BIRC6: variants seen among roughly 807,000 people sequenced by gnomAD.
BIRC6 encodes baculoviral IAP repeat containing 6.
In BIRC6, 98 loss-of-function variants were observed where a neutral mutation model predicts 503.3. The ratio of observed to expected loss-of-function variants is 0.19; its 90% CI spans 0.17 to 0.23. The LOEUF (loss-of-function observed/expected upper bound fraction) is 0.23. Ranked by LOEUF, BIRC6 falls within the 10% of genes least tolerant of loss-of-function variation. BIRC6 has a pLI of 1.00. For synonymous variants in BIRC6, 2,240 were observed against 2,078.7 expected, an observed-to-expected ratio of 1.08 and a Z score of -2.11; for missense variants, 5,360 against 5,806.0, an observed-to-expected ratio of 0.92 and a Z score of 2.50.
rs2039364438 is a variant in BIRC6, at chr2:32,392,572, C to T, written c.951+422C>T. Among the ~76,000 whole-genome samples, 6 of 152,252 alleles carry T rather than the reference C, an allele frequency of 3.9e-5. No individual in the cohort carries two copies. In the South Asian group the frequency reaches 1.2e-3, roughly 32 times the overall value. ...GGAAAAAAATTGTTTAAGCAATTAA[C>T]AACTGAGTATTTTCTTTAAGATTAG... is the stretch of plus-strand genomic sequence containing the variant. On this transcript the variant is annotated intron_variant, in intron 5 of 73. Transcript: ENST00000421745.
chr2:32,443,716 T>C, intron 20 of BIRC6, 128 bp downstream of exon 20: 1 of 728,334 alleles, frequency 1.4e-6, no homozygotes, highest in South Asian at 2.1e-5. Flanking sequence ...TCTGTATTTT[T>C]TGAAGGGATC....
intron 53 of BIRC6, among the ~76,000 whole-genome samples, chr2:32,511,922 T>A (rs910397334): frequency 6.6e-6 from 1 of 152,180 alleles, no homozygotes; most frequent in African/African-American, 2.4e-5. Flanking sequence ...TTAGTAGTGG[T>A]TAAAATATAT....
intron 70 of BIRC6, among the ~76,000 whole-genome samples, chr2:32,600,542 T>G (rs561721651): frequency 3.7e-4 from 57 of 152,330 alleles, no homozygotes; most frequent in African/African-American, 1.3e-3. Context: ...AGGCAGAACT[T>G]TCTTTGGAAG....
chr2:32,457,401 T>G (rs1393974815), intron 23 of BIRC6, among the ~76,000 whole-genome samples: 2 of 152,192 alleles, frequency 1.3e-5, no homozygotes, highest in Non-Finnish European at 2.9e-5. Context: ...GTTACATGCT[T>G]CTTTTTCCTC....
chr2:32,507,845 T>C, intron 50 of BIRC6, 135 bp from the exon 51 acceptor site: 3 of 740,494 alleles, frequency 4.1e-6, no homozygotes, highest in Non-Finnish European at 6.2e-6. Flanking sequence ...AAACTATATT[T>C]TGTTGTATAA....
intron 1 of BIRC6, among the ~76,000 whole-genome samples, chr2:32,363,888 C>T (rs1387204840): frequency 1.3e-5 from 2 of 152,142 alleles, no homozygotes; most frequent in Non-Finnish European, 2.9e-5. Context: ...TTGCCACACT[C>T]CTCGTGATTA....
At chr2:32,557,578 G>A (rs1191187336) in intron 65 of BIRC6, 1 of 152,138 alleles carries the variant, frequency 6.6e-6, no homozygotes, top group Non-Finnish European at 1.5e-5. Context: ...ATTGCTCTTA[G>A]AGCAAGGGAG....
chr2:32,442,956 A>T (rs2045580349), intron 19 of BIRC6, among the ~76,000 whole-genome samples: 1 of 152,158 alleles, frequency 6.6e-6, no homozygotes, highest in Non-Finnish European at 1.5e-5. Context: ...ACTGAGCCAT[A>T]TATATAGTAT....
chr2:32,613,269 C>T (rs2063004694), intron 73 of BIRC6, among the ~76,000 whole-genome samples: 1 of 152,008 alleles, frequency 6.6e-6, no homozygotes, highest in African/African-American at 2.4e-5. Flanking sequence ...ACTGCATCTT[C>T]CGCCTCCCTT....
intron 73 of BIRC6, among the ~76,000 whole-genome samples, chr2:32,614,839 T>C (rs938329141): frequency 4.6e-5 from 7 of 152,176 alleles, no homozygotes; most frequent in Non-Finnish European, 1.0e-4. Flanking sequence ...TCTTAAAAAA[T>C]AAATGAAAAG....
At chr2:32,381,372 TG>T (rs2037620505) in intron 3 of BIRC6, among the ~76,000 whole-genome samples, 1 of 152,058 alleles carries the variant, frequency 6.6e-6, no homozygotes, top group South Asian at 2.1e-4. Context: ...CCTGAGTAGC[TG>T]GGATTACAGG....
chr2:32,459,307 T>A (rs1373467853), intron 23 of BIRC6, among the ~76,000 whole-genome samples: 1 of 152,214 alleles, frequency 6.6e-6, no homozygotes, highest in Non-Finnish European at 1.5e-5. Context: ...CCATTTTGTT[T>A]AGGCATTCAT....
intron 23 of BIRC6, among the ~76,000 whole-genome samples, chr2:32,462,115 T>C (rs2048063036): frequency 6.6e-6 from 1 of 152,154 alleles, no homozygotes; most frequent in South Asian, 2.1e-4. Flanking sequence ...ATAAAGTGAA[T>C]TGTAGTTATT....
Position 32,515,723 on chromosome 2 carries a change from C to G in BIRC6, c.11302C>G (p.Leu3768Val), listed in dbSNP as rs2054958052. Residue 3768 changes from leucine to valine, a missense_variant, in exon 55 of 74, where the codon CTA becomes GTA. Leu to Val is a conservative substitution (Grantham distance 32). Transcript: ENST00000421745. Reference protein sequence around the residue: ...AIENATVAFFLQCISCHPNNQ... With the variant: ...AIENATVAFFVQCISCHPNNQ... ...TGAGAATGCAACTGTTGCGTTCTTT[C>G]TACAGTGCATTTCATGCCATCCTAA... 2 of 1,601,392 alleles carry G rather than the reference C, an allele frequency of 1.2e-6. No individual in the cohort carries two copies. The highest frequency in any genetic ancestry group is 1.7e-6 in the Non-Finnish European group (2 of 1,179,796).
At position 32,575,182 on chromosome 2, in the gene BIRC6, C is replaced by T. The variant is rs1423980156; in HGVS notation, c.13171C>T (p.Leu4391Phe). 2 of 1,614,006 alleles carry T rather than the reference C, an allele frequency of 1.2e-6. No individual in the cohort carries two copies. The highest frequency in any genetic ancestry group is 1.7e-6 in the Non-Finnish European group (2 of 1,179,886). Reference sequence around the variant, plus strand: ...TCTGGACATGGCAAGACATGTGCCACTCTATCGGGCACTGCTGGAATTGCT... The same window carrying T: ...TCTGGACATGGCAAGACATGTGCCATTCTATCGGGCACTGCTGGAATTGCT... ...SVLDMARHVP[L>F]YRALLELLRA... Residue 4391 changes from leucine to phenylalanine, a missense_variant, in exon 66 of 74, where the codon CTC (leucine) becomes TTC (phenylalanine). Around this residue, in one of 16 missense-constraint regions of BIRC6, gnomAD observed 477 missense variants for 574.4 expected, o/e 0.83. Coordinates refer to ENST00000421745, the MANE Select transcript of BIRC6 (RefSeq NM_016252.4).
chr2:32,577,004 G>A (rs1424600779), intron 66 of BIRC6, among the ~76,000 whole-genome samples: 2 of 151,956 alleles, frequency 1.3e-5, no homozygotes, highest in African/African-American at 2.4e-5. Flanking sequence ...TGTTGTATTT[G>A]GTCCCCTCCT....
intron 10 of BIRC6, among the ~76,000 whole-genome samples, chr2:32,425,190 T>A (rs2043350734): frequency 6.6e-6 from 1 of 152,090 alleles, no homozygotes; most frequent in South Asian, 2.1e-4. Context: ...TACTTTCTCA[T>A]ATTCTGTGGG....
At chr2:32,427,519 C>T (rs2043653011) in intron 10 of BIRC6, among the ~76,000 whole-genome samples, 1 of 152,134 alleles carries the variant, frequency 6.6e-6, no homozygotes, top group African/African-American at 2.4e-5. Flanking sequence ...CTCCTGACCT[C>T]AGGTGATCCG....
chr2:32,613,684 A>T (rs1430781534), intron 73 of BIRC6, among the ~76,000 whole-genome samples: 1 of 152,190 alleles, frequency 6.6e-6, no homozygotes, highest in East Asian at 1.9e-4. Context: ...TCATTTCAGT[A>T]TAAGCATTTC....
Sources: allele counts gnomAD v4.1 joint callset (sites outside exome capture counted in the v4.1 genomes callset), GRCh38; gene constraint gnomAD v4.1.1; regional missense constraint gnomAD v4.1.1; transcripts MANE v1.5; gene names NCBI Gene and HGNC (gene_info 2026-07-23, HGNC 2026-07-21).